The following KATNIP variants were observed in gnomAD, a reference collection of about 807,000 sequenced individuals.
KATNIP encodes katanin interacting protein, also known as katanin-interacting protein.
In KATNIP, 126 loss-of-function variants were observed where a neutral mutation model predicts 174.0. That is an observed-to-expected ratio of 0.72 (90% CI 0.63 to 0.84). The LOEUF is 0.84. Among genes scored for constraint, KATNIP ranks in the 40% least tolerant of loss-of-function variants. KATNIP has a pLI of 0.00. For synonymous variants in KATNIP, 810 were observed against 835.7 expected (o/e 0.97, Z 0.53); for missense variants, 1,958 against 2,109.7 (o/e 0.93, Z 1.41).
chr16:27,606,364 A>C (rs1332744518), intron 2 of KATNIP, among the ~76,000 whole-genome samples: 2 of 152,098 alleles, frequency 1.3e-5, no homozygotes, highest in African/African-American at 4.8e-5. Context: ...TTAGTCCTCT[A>C]TGAAATGCTT....
chr16:27,744,941 T>C (rs72780129), intron 15 of KATNIP, among the ~76,000 whole-genome samples: 22,433 of 151,716 alleles, frequency 0.15, 2,750 homozygotes, highest in East Asian at 0.62. Flanking sequence ...AAATAAATAA[T>C]AAAAGAAAAT....
At chr16:27,756,290 C>T (rs2081724264) in intron 18 of KATNIP, among the ~76,000 whole-genome samples, 1 of 152,240 alleles carries the variant, frequency 6.6e-6, no homozygotes, top group African/African-American at 2.4e-5. Flanking sequence ...CTCTCAATTA[C>T]TTTCGAATAG....
intron 13 of KATNIP, among the ~76,000 whole-genome samples, chr16:27,716,401 T>G (rs1362925879): frequency 6.6e-6 from 1 of 152,044 alleles, no homozygotes; most frequent in Non-Finnish European, 1.5e-5. Flanking sequence ...AAAAACCTTG[T>G]GAATATACTA....
chr16:27,662,071 T>TAC lies in KATNIP; in HGVS notation c.540+13342_540+13343dup, dbSNP rs1196592578. Among the ~76,000 whole-genome samples, 548 of 57,186 alleles carry TAC rather than the reference T, an allele frequency of 9.6e-3. 157 individuals are homozygous for TAC. The highest frequency in any genetic ancestry group is 0.019 in the Middle Eastern group (2 of 108). 37.5% of individuals were successfully genotyped at this position (57,186 alleles called of 152,430 possible). On this transcript the variant is annotated intron_variant, in intron 6 of 27. Transcript: ENST00000261588. The stretch of plus-strand genomic sequence containing the variant: ...ATACATATATATATATATATATATA[T>TAC]ACACACATATATATATACACATACA...
chr16:27,655,427 AT>A (rs1295968325), intron 6 of KATNIP, among the ~76,000 whole-genome samples: 1 of 149,934 alleles, frequency 6.7e-6, no homozygotes, highest in East Asian at 1.9e-4. Context: ...TTATTTATTT[AT>A]TTTTGAGAGA....
intron 9 of KATNIP, among the ~76,000 whole-genome samples, chr16:27,699,271 G>T (rs1414463093): frequency 6.6e-6 from 1 of 152,036 alleles, no homozygotes; most frequent in Non-Finnish European, 1.5e-5. Flanking sequence ...TTTGCAAGTG[G>T]CCGAGATCTG....
chr16:27,672,363 T>C (rs569416195), intron 6 of KATNIP, among the ~76,000 whole-genome samples: 1 of 152,336 alleles, frequency 6.6e-6, no homozygotes, highest in African/African-American at 2.4e-5. Flanking sequence ...GCTCAGCCAG[T>C]CGCCCTGTCA....
Position 27,751,727 on chromosome 16 carries a change from C to T in KATNIP, c.3355C>T (p.His1119Tyr), listed in dbSNP as rs1245433996. 1 of 1,614,062 alleles carries T rather than the reference C, an allele frequency of 6.2e-7. No individual in the cohort carries two copies. Among genetic ancestry groups the T allele is most frequent in the Non-Finnish European group, 8.5e-7 (1 of 1,180,010 alleles). ...ASGTLAGAPE[H>Y]FGDTILFTTD... Reference sequence around the variant, plus strand: ...TCTTGATAACCCATTAGCCCCAGAGCACTTTGGAGACACGATCTTATTCAC... The same window carrying T: ...TCTTGATAACCCATTAGCCCCAGAGTACTTTGGAGACACGATCTTATTCAC... The change falls in exon 17 of 28, where the codon CAC becomes TAC. Residue 1119 changes from histidine (H) to tyrosine (Y), a missense_variant. Physicochemically the swap from His to Tyr is moderately conservative, Grantham distance 83 (BLOSUM62 2). Around this residue, in one of 3 missense-constraint regions of KATNIP, gnomAD observed 1,557 missense variants for 1,617.8 expected, o/e 0.96. Transcript: ENST00000261588.
At chr16:27,716,143 T>G (rs920695862) in intron 13 of KATNIP, among the ~76,000 whole-genome samples, 2 of 152,196 alleles carry the variant, frequency 1.3e-5, no homozygotes, top group African/African-American at 4.8e-5. Context: ...TATTGCTACA[T>G]GCTACAACCT....
chr16:27,701,521 G>A, intron 10 of KATNIP, 68 bp from the exon 11 acceptor site: 2 of 1,238,332 alleles, frequency 1.6e-6, no homozygotes, highest in Non-Finnish European at 2.3e-6. Flanking sequence ...CCTTGACCGT[G>A]ACCCTGCTGT....
intron 8 of KATNIP, among the ~76,000 whole-genome samples, chr16:27,683,692 G>A (rs1236500690): frequency 6.6e-6 from 1 of 152,186 alleles, no homozygotes; most frequent in East Asian, 1.9e-4. Flanking sequence ...GGGAAAGGGA[G>A]AGAGAGGAGA....
chr16:27,569,852 AG>A (rs2090222394), intron 1 of KATNIP, among the ~76,000 whole-genome samples: 1 of 152,222 alleles, frequency 6.6e-6, no homozygotes, highest in Non-Finnish European at 1.5e-5. Flanking sequence ...TGAATTAAAA[AG>A]CTTCTAATTA....
At chr16:27,749,310 C>T (rs1218453569) in intron 15 of KATNIP, among the ~76,000 whole-genome samples, 1 of 152,248 alleles carries the variant, frequency 6.6e-6, no homozygotes, top group South Asian at 2.1e-4. Flanking sequence ...GAATGGCCCA[C>T]AGGACAGTCA....
In KATNIP at chr16:27,770,594, T is replaced by C. The variant is rs184307576; in HGVS notation, c.4133+576T>C. Among the ~76,000 whole-genome samples the C allele has an allele frequency of 1.1e-3, 167 of 152,322 alleles. 2 individuals carry two copies. The highest frequency in any genetic ancestry group is 3.9e-3 in the African/African-American group (162 of 41,584). Reference sequence around the variant, plus strand: ...GGCTGGGCTGGTCACTAGGAAGTCATTTAATTGTAACATTGCCCTTGAAAT... The same window carrying C: ...GGCTGGGCTGGTCACTAGGAAGTCACTTAATTGTAACATTGCCCTTGAAAT... On this transcript the variant is annotated intron_variant, in intron 21 of 27. Transcript: ENST00000261588.
Position 27,778,561 on chromosome 16 carries a change from C to G in KATNIP, c.4802-13C>G. 1.2e-6 allele frequency: 2 copies of G among 1,613,294 alleles called. No homozygotes were observed. The highest frequency in any genetic ancestry group is 1.7e-6 in the Non-Finnish European group (2 of 1,179,494). ...CTTAGTAACTCTGGTCCCTCTGTTC[C>G]CTGTCATGACAGCCTTACGTCCCAA... On this transcript the variant is annotated splice_polypyrimidine_tract_variant and intron_variant, in intron 27 of 27. Coordinates refer to ENST00000261588, the MANE Select transcript of KATNIP (RefSeq NM_015202.5).
chr16:27,590,709 T>G (rs1018780111), intron 2 of KATNIP, among the ~76,000 whole-genome samples: 3 of 152,360 alleles, frequency 2.0e-5, no homozygotes, highest in Non-Finnish European at 4.4e-5. Context: ...TCTTTGACCC[T>G]TGGCCTGGGG....
chr16:27,674,098 C>T (rs567896056), intron 6 of KATNIP, among the ~76,000 whole-genome samples: 11 of 152,310 alleles, frequency 7.2e-5, no homozygotes, highest in African/African-American at 2.4e-4. Context: ...CTGCAGTGAG[C>T]TGTGATCACA....
Position 27,721,625 on chromosome 16 carries a change from G to GA in KATNIP, c.1676dup (p.Asn559LysfsTer22), listed in dbSNP as rs767342295. On this transcript the variant is annotated frameshift_variant, in exon 14 of 28. Transcript: ENST00000261588. LOFTEE classifies it high-confidence loss of function. ...CCACTCCAGCTGTTTTTTGTTATTC[G>GA]AAACACAAGACAGCTGGGGGACTTC... is the stretch of plus-strand genomic sequence containing the variant. 1.2e-6 allele frequency: 2 copies of GA among 1,614,108 alleles called. No individual in the cohort carries two copies. The highest frequency in any genetic ancestry group is 2.2e-5 in the South Asian group (2 of 91,078).
chr16:27,642,176 A>G (rs2076820947), intron 5 of KATNIP, among the ~76,000 whole-genome samples: 1 of 152,178 alleles, frequency 6.6e-6, no homozygotes, highest in South Asian at 2.1e-4. Flanking sequence ...GCACATATAC[A>G]CCATGGAATA....
Sources: gnomAD v4.1 joint callset for allele counts (sites outside exome capture counted in the v4.1 genomes callset) on GRCh38, gnomAD v4.1.1 for gene constraint, gnomAD v4.1.1 regional missense constraint, MANE v1.5 for transcripts, NCBI Gene and HGNC (gene_info 2026-07-23, HGNC 2026-07-21) for gene names.